The following SETD2 variants were observed in gnomAD, a reference collection of about 807,000 sequenced individuals.
The protein encoded by SETD2 is histone-lysine N-methyltransferase SETD2.
In SETD2, 31 loss-of-function variants were observed where a neutral mutation model predicts 242.1. That is an observed-to-expected ratio of 0.13 (90% CI 0.10 to 0.17). SETD2 has a LOEUF of 0.17. Among genes scored for constraint, SETD2 ranks in the 10% least tolerant of loss-of-function variants. The pLI is 1.00. For missense variants in SETD2, 2,481 were observed against 3,046.3 expected (o/e 0.81, Z 4.37); for synonymous variants, 1,006 against 1,066.5 (o/e 0.94, Z 1.11).
chr3:47,084,110 G>A lies in SETD2; in HGVS notation c.5670C>T (p.Asp1890=), dbSNP rs1559701630. The change falls in exon 12 of 21, where the codon GAC becomes GAT. Residue 1890 remains aspartate, a synonymous_variant. Transcript: ENST00000409792. ...CACTGGTTGCATCAGAGATTGCACT[G>A]TCCATGCTATTTTCACTTATAATTT... ...RLKIISENSM[D]SAISDATSEL... 2.5e-6 allele frequency: 4 copies of A among 1,614,158 alleles called. No homozygotes were observed. The highest frequency in any genetic ancestry group is 3.4e-6 in the Non-Finnish European group (4 of 1,180,034).
chr3:47,025,410 C>G (rs1234985324), intron 18 of SETD2, among the ~76,000 whole-genome samples: 1 of 152,142 alleles, frequency 6.6e-6, no homozygotes, highest in African/African-American at 2.4e-5. Flanking sequence ...ATTAATGAGC[C>G]CATTTCACTA....
chr3:47,065,562 G>A (rs1057270105), intron 13 of SETD2, among the ~76,000 whole-genome samples: 7 of 152,108 alleles, frequency 4.6e-5, no homozygotes, highest in African/African-American at 1.7e-4. Context: ...ACTTTGGGAG[G>A]TGGAAACAGG....
chr3:47,096,201 T>C (rs1448975795), intron 9 of SETD2, among the ~76,000 whole-genome samples: 1 of 152,166 alleles, frequency 6.6e-6, no homozygotes, highest in Non-Finnish European at 1.5e-5. Flanking sequence ...AACACAATGG[T>C]TAAGAGCAGA....
chr3:47,157,321 A>G (rs2044148170), intron 1 of SETD2, among the ~76,000 whole-genome samples: 1 of 152,180 alleles, frequency 6.6e-6, no homozygotes, highest in Admixed American at 6.6e-5. Context: ...ACATGGGACA[A>G]TCACTTGAGC....
chr3:47,090,889 C>T (rs1283657308), intron 9 of SETD2, among the ~76,000 whole-genome samples: 2 of 152,170 alleles, frequency 1.3e-5, no homozygotes, highest in South Asian at 2.1e-4. Flanking sequence ...ACTTAACTAG[C>T]TATTTATCCC....
At chr3:47,145,587 G>T in intron 1 of SETD2, 1 of 350,680 alleles carries the variant, frequency 2.9e-6, no homozygotes, top group South Asian at 2.1e-5. Context: ...CCTCACATCA[G>T]GTCATGTGTA....
At chr3:47,062,431 G>A in intron 13 of SETD2, 85 bp from the exon 14 acceptor site, 2 of 1,253,378 alleles carry the variant, frequency 1.6e-6, no homozygotes, top group South Asian at 3.0e-5. Flanking sequence ...TGTATCAACT[G>A]TATAATAAAA....
At chr3:47,019,683 G>A (rs1218831129) in intron 19 of SETD2, 77 bp downstream of exon 19, 25 of 1,235,130 alleles carry the variant, frequency 2.0e-5, no homozygotes, top group Middle Eastern at 3.8e-4. Context: ...GGAGATATTC[G>A]ACATACTTAG....
At chr3:47,049,769 A>AGTTTATATT (rs2039725951) in intron 15 of SETD2, among the ~76,000 whole-genome samples, 1 of 143,236 alleles carries the variant, frequency 7.0e-6, no homozygotes, top group African/African-American at 2.6e-5. Flanking sequence ...TTATTCTATG[A>AGTTTATATT]GTTTATATTA....
chr3:47,026,136 G>A (rs1486859611), intron 18 of SETD2, among the ~76,000 whole-genome samples: 5 of 152,126 alleles, frequency 3.3e-5, no homozygotes, highest in African/African-American at 9.7e-5. Context: ...CCATCAAAAC[G>A]TGGGCATGGA....
Position 47,083,968 on chromosome 3 carries a change from C to A in SETD2, c.5812G>T (p.Val1938Phe). 6.2e-7 allele frequency: 1 copy of A among 1,614,140 alleles called. No individual in the cohort carries two copies. Among genetic ancestry groups the A allele is most frequent in the Non-Finnish European group, 8.5e-7 (1 of 1,180,012 alleles). Residue 1938 changes from valine (V) to phenylalanine (F), a missense_variant, in exon 12 of 21, where the codon GTT becomes TTT. Around this residue, in one of 17 missense-constraint regions of SETD2, gnomAD observed 203 missense variants for 222.4 expected, o/e 0.91. Coordinates refer to ENST00000409792, the MANE Select transcript of SETD2 (RefSeq NM_014159.7). ...LLPQQLPECKVDSETNIEASK... is the reference protein window; with the variant it reads ...LLPQQLPECKFDSETNIEASK... ...GCTTCTATGTTGGTTTCACTATCAA[C>A]TTTGCATTCAGGCAGCTGTTGTGGG... is the stretch of plus-strand genomic sequence containing the variant.
At chr3:47,087,705 G>A (rs1463176477) in intron 10 of SETD2, among the ~76,000 whole-genome samples, 6 of 152,136 alleles carry the variant, frequency 3.9e-5, no homozygotes, top group Non-Finnish European at 7.3e-5. Flanking sequence ...GGTGGCTCAC[G>A]CCTGTAATCC....
intron 12 of SETD2, among the ~76,000 whole-genome samples, chr3:47,070,090 T>C (rs1460397452): frequency 6.6e-6 from 1 of 152,196 alleles, no homozygotes; most frequent in African/African-American, 2.4e-5. Context: ...CTTGGCATTA[T>C]AAGCATTTAT....
intron 12 of SETD2, among the ~76,000 whole-genome samples, chr3:47,072,177 G>A (rs940317063): frequency 5.9e-5 from 9 of 152,016 alleles, no homozygotes; most frequent in East Asian, 1.9e-4. Context: ...GCCTGGTGGC[G>A]GGTGCCTGTA....
chr3:47,163,625 C>A (rs1027051446), intron 1 of SETD2: 8 of 234,118 alleles, frequency 3.4e-5, no homozygotes, highest in Admixed American at 5.8e-5. Context: ...CAACCGCCGC[C>A]GCGACACGAG....
chr3:47,132,934 C>T (rs1477725809), intron 1 of SETD2, among the ~76,000 whole-genome samples: 1 of 152,114 alleles, frequency 6.6e-6, no homozygotes, highest in African/African-American at 2.4e-5. Context: ...AAACTTAAAA[C>T]TTGTCAAAAT....
chr3:47,046,362 TAAAAC>T (rs1436546475), intron 16 of SETD2, 120 bp downstream of exon 16: 1 of 716,238 alleles, frequency 1.4e-6, no homozygotes. Flanking sequence ...TAAAATAAAA[TAAAAC>T]AAAGAACACG....
intron 1 of SETD2, among the ~76,000 whole-genome samples, chr3:47,158,087 T>A (rs2044167058): frequency 6.6e-6 from 1 of 152,180 alleles, no homozygotes; most frequent in Admixed American, 6.5e-5. Context: ...TAACTTTTTT[T>A]GTGCCCTATA....
At chr3:47,060,505 T>C (rs1403942720) in intron 14 of SETD2, among the ~76,000 whole-genome samples, 3 of 152,116 alleles carry the variant, frequency 2.0e-5, no homozygotes, top group African/African-American at 4.8e-5. Context: ...ATATGAAAAT[T>C]TGTGGGAGAG....
Sources: gnomAD v4.1 joint callset for allele counts (sites outside exome capture counted in the v4.1 genomes callset) on GRCh38, gnomAD v4.1.1 for gene constraint, gnomAD v4.1.1 regional missense constraint, MANE v1.5 for transcripts, NCBI Gene and HGNC (gene_info 2026-07-23, HGNC 2026-07-21) for gene names.